Variants in CDH13 observed in about 807,000 individuals in gnomAD.
CDH13 encodes the protein cadherin 13.
Under a neutral mutation model 63.8 loss-of-function variants are expected in CDH13, and 24 were observed. That is an observed-to-expected ratio of 0.38 (90% CI 0.27 to 0.53). CDH13 has a LOEUF of 0.53. Ranked by LOEUF, CDH13 falls within the 20% of genes least tolerant of loss-of-function variation. The pLI is 0.85. For missense variants in CDH13, 1,049 were observed against 903.1 expected, an observed-to-expected ratio of 1.16 and a Z score of -2.07; for synonymous variants, 503 against 355.3, an observed-to-expected ratio of 1.42 and a Z score of -4.67.
chr16:83,347,141 A>G (rs1456108941), intron 6 of CDH13, among the ~76,000 whole-genome samples: 1 of 152,224 alleles, frequency 6.6e-6, no homozygotes, highest in Non-Finnish European at 1.5e-5. Context: ...CGAAGCATTC[A>G]TGAGGCCAGT....
At chr16:83,066,290 A>G (rs182983017) in intron 3 of CDH13, among the ~76,000 whole-genome samples, 2 of 152,210 alleles carry the variant, frequency 1.3e-5, no homozygotes, top group Non-Finnish European at 2.9e-5. Flanking sequence ...TTCCTAAGAC[A>G]TGAGACTTTC....
chr16:83,608,883 G>C (rs1194171452), intron 8 of CDH13, among the ~76,000 whole-genome samples: 1 of 152,006 alleles, frequency 6.6e-6, no homozygotes, highest in African/African-American at 2.4e-5. Context: ...TCTCTTCCAT[G>C]TCTGGCTGCA....
intron 10 of CDH13, chr16:83,725,391 G>A (rs1910266470): frequency 6.6e-6 from 1 of 152,302 alleles, no homozygotes; most frequent in Admixed American, 6.5e-5. Flanking sequence ...GGGAAGGAGG[G>A]TCAAGTGGTA....
chr16:83,553,021 G>A (rs149429113), intron 7 of CDH13, among the ~76,000 whole-genome samples: 1,544 of 151,010 alleles, frequency 0.01, 22 homozygotes, highest in African/African-American at 0.036. Context: ...AGAGGTTGCA[G>A]TGAGCTGAGA....
At chr16:83,216,698 T>A (rs542022025) in intron 4 of CDH13, among the ~76,000 whole-genome samples, 1 of 147,242 alleles carries the variant, frequency 6.8e-6, no homozygotes, top group Non-Finnish European at 1.5e-5. Flanking sequence ...TTGAGGTATC[T>A]ATATATAATA....
rs547326900 is a variant in CDH13, at chr16:83,047,944, T to G, written c.366+15726T>G. ...CACAGGGTCATACATCTAGAATATT[T>G]TGGAGACATATTTTTGCACTCAGAC... On this transcript the variant is annotated intron_variant, in intron 3 of 13. Transcript: ENST00000567109. The surrounding 1 kb of genome is among the most constrained non-coding windows in gnomAD (Gnocchi z 4.9). Among the ~76,000 whole-genome samples, 36 of 152,286 alleles carry G rather than the reference T, an allele frequency of 2.4e-4. No individual in the cohort carries two copies. The highest frequency in any genetic ancestry group is 3.4e-3 in the Middle Eastern group (1 of 294).
At chr16:83,287,666 T>G (rs111353714) in intron 5 of CDH13, among the ~76,000 whole-genome samples, 1,633 of 152,250 alleles carry the variant, frequency 0.011, 26 homozygotes, top group African/African-American at 0.037. Context: ...TTATGATGAC[T>G]TATATAATTA....
intron 4 of CDH13, among the ~76,000 whole-genome samples, chr16:83,195,410 C>A (rs994119923): frequency 9.2e-5 from 14 of 152,142 alleles, no homozygotes; most frequent in African/African-American, 3.4e-4. Flanking sequence ...GCAGCTTCTG[C>A]TTCTGGGATG....
intron 1 of CDH13, among the ~76,000 whole-genome samples, chr16:82,820,305 A>G (rs890578305): frequency 1.1e-4 from 16 of 152,206 alleles, no homozygotes; most frequent in Non-Finnish European, 2.1e-4. Flanking sequence ...TGGTACTCAT[A>G]AAAGACCAGG....
At chr16:83,708,475 C>G (rs1181143457) in intron 10 of CDH13, among the ~76,000 whole-genome samples, 1 of 152,172 alleles carries the variant, frequency 6.6e-6, no homozygotes, top group African/African-American at 2.4e-5. Context: ...ATGCTTTGTT[C>G]TCTTTCTGTC....
rs1156752349 is a variant in CDH13, at chr16:82,904,764, C to A, written c.157+46291C>A. On this transcript the variant is annotated intron_variant, in intron 2 of 13. Coordinates refer to ENST00000567109, the MANE Select transcript of CDH13 (RefSeq NM_001257.5). Reference sequence around the variant, plus strand: ...GGTGGTCAGTATTTACCAGAGCCAGCCTTCTGCTTCTGGCCAGCTGGGTGA... The same window carrying A: ...GGTGGTCAGTATTTACCAGAGCCAGACTTCTGCTTCTGGCCAGCTGGGTGA... Among the ~76,000 whole-genome samples, 6 of 152,280 alleles carry A rather than the reference C, an allele frequency of 3.9e-5. No individual in the cohort carries two copies. In the East Asian group the frequency reaches 9.7e-4, roughly 25 times the overall value.
At chr16:83,274,853 T>C (rs930030789) in intron 5 of CDH13, among the ~76,000 whole-genome samples, 1 of 152,160 alleles carries the variant, frequency 6.6e-6, no homozygotes, top group Non-Finnish European at 1.5e-5. Flanking sequence ...TGAATTTTGA[T>C]TTGGATAAGA....
intron 13 of CDH13, among the ~76,000 whole-genome samples, chr16:83,791,121 C>T (rs551230603): frequency 4.6e-5 from 7 of 151,582 alleles, no homozygotes; most frequent in African/African-American, 1.7e-4. Context: ...AGTTTGAGAC[C>T]AGCCTAGGCA....
intron 3 of CDH13, among the ~76,000 whole-genome samples, chr16:83,094,042 C>G (rs2034064152): frequency 6.6e-6 from 1 of 152,080 alleles, no homozygotes; most frequent in African/African-American, 2.4e-5. Context: ...AAGAGGTAGA[C>G]CCATTTTTAA....
intron 1 of CDH13, among the ~76,000 whole-genome samples, chr16:82,778,965 C>G (rs192589585): frequency 5.8e-4 from 88 of 152,160 alleles, no homozygotes; most frequent in African/African-American, 2.0e-3. Flanking sequence ...GCCCTGGAGC[C>G]TGCTGTGTAT....
At chr16:82,957,152 A>T (rs374300774) in intron 2 of CDH13, among the ~76,000 whole-genome samples, 4 of 152,164 alleles carry the variant, frequency 2.6e-5, no homozygotes, top group African/African-American at 9.7e-5. Flanking sequence ...AAGGGGAGCC[A>T]TATCCCTTCT....
intron 1 of CDH13, among the ~76,000 whole-genome samples, chr16:82,637,931 CCT>C (rs1363716210): frequency 6.6e-6 from 1 of 152,116 alleles, no homozygotes; most frequent in Admixed American, 6.6e-5. Context: ...GAACTGAATC[CCT>C]GTCTCATGGA....
At chr16:83,332,438 T>C (rs2090500142) in intron 5 of CDH13, among the ~76,000 whole-genome samples, 1 of 152,168 alleles carries the variant, frequency 6.6e-6, no homozygotes, top group African/African-American at 2.4e-5. Context: ...TTTTAACACT[T>C]ACTTAACAAA....
chr16:82,970,047 C>A lies in CDH13; in HGVS notation c.158-61963C>A, dbSNP rs929529082. 2.0e-5 allele frequency among the ~76,000 whole-genome samples: 3 copies of A among 152,004 alleles called. No individual in the cohort carries two copies. The East Asian group carries it at 5.8e-4, about 29-fold the overall frequency. On this transcript the variant is annotated intron_variant, in intron 2 of 13. Transcript: ENST00000567109. Reference sequence around the variant, plus strand: ...TGGTTTGCTGCATCTGTCAATCCGTCATCTACATTAGGTATTTCTCCTAAT... The same window carrying A: ...TGGTTTGCTGCATCTGTCAATCCGTAATCTACATTAGGTATTTCTCCTAAT...
Sources: allele counts gnomAD v4.1 joint callset (sites outside exome capture counted in the v4.1 genomes callset), GRCh38; gene constraint gnomAD v4.1.1; non-coding constraint Gnocchi (gnomAD v3.1); transcripts MANE v1.5; gene names NCBI Gene and HGNC (gene_info 2026-07-23, HGNC 2026-07-21).